NISCH: variants seen among roughly 807,000 people sequenced by gnomAD.
NISCH encodes I-1 receptor candidate protein.
In NISCH, 55 loss-of-function variants were observed where a neutral mutation model predicts 138.4. That is an observed-to-expected ratio of 0.40 (90% CI 0.32 to 0.50). NISCH has a LOEUF of 0.50. Ranked by LOEUF, NISCH falls within the 20% of genes least tolerant of loss-of-function variation. The pLI is 0.71. For missense variants in NISCH, 1,643 were observed against 2,005.5 expected, an observed-to-expected ratio of 0.82 and a Z score of 3.45; for synonymous variants, 860 against 861.5, an observed-to-expected ratio of 1.00 and a Z score of 0.03.
At chr3:52,466,154 A>G (rs191520917) in intron 3 of NISCH, among the ~76,000 whole-genome samples, 8 of 151,878 alleles carry the variant, frequency 5.3e-5, no homozygotes, top group Non-Finnish European at 1.0e-4. Context: ...CAGTCTTGCA[A>G]CTCTCTTCAG....
intron 3 of NISCH, among the ~76,000 whole-genome samples, chr3:52,467,742 A>G (rs1190095494): frequency 6.6e-6 from 1 of 152,264 alleles, no homozygotes; most frequent in Non-Finnish European, 1.5e-5. Context: ...CATGTGTTCC[A>G]GAAATTCCAG....
chr3:52,478,333 C>T (rs1471173629), intron 10 of NISCH, 51 bp downstream of exon 10: 7 of 1,607,360 alleles, frequency 4.4e-6, no homozygotes, highest in East Asian at 2.2e-5. Context: ...TGGTGTGTAT[C>T]ATGTTAAAGA....
chr3:52,484,462 T>TGCG, intron 13 of NISCH, 51 bp from the exon 14 acceptor site: 2 of 788,670 alleles, frequency 2.5e-6, no homozygotes, highest in Non-Finnish European at 3.7e-6. Context: ...ACAGCCGCTC[T>TGCG]CCCCGCCCCA....
At chr3:52,485,849 G>C in intron 15 of NISCH, 22 bp downstream of exon 15, 2 of 1,567,778 alleles carry the variant, frequency 1.3e-6, no homozygotes, top group Non-Finnish European at 1.7e-6. Flanking sequence ...GTTGGAAAGG[G>C]ACCTGGGCCT....
At chr3:52,491,717 C>T (rs1707569783) in intron 20 of NISCH, 155 bp from the exon 21 acceptor site, 1 of 1,112,462 alleles carries the variant, frequency 9.0e-7, no homozygotes, top group South Asian at 1.5e-5. Flanking sequence ...ATCTCCAGTG[C>T]CTGCTTTGGG....
In NISCH at chr3:52,487,784, G is replaced by A. The variant is rs917070582; in HGVS notation, c.2292G>A (p.Pro764=). Residue 764 remains proline, a synonymous_variant, in exon 16 of 21, where the codon CCG becomes CCA. Coordinates refer to ENST00000345716, the MANE Select transcript of NISCH (RefSeq NM_007184.4). This position sits in a 1 kb window ranked among gnomAD's most constrained non-coding sequence, Gnocchi z 9.1. ...CCCTGCGCTTTGTCTTTTGCTTCCC[G>A]CATGGCGACCTCACCGAGTTTGGCT... is the stretch of plus-strand genomic sequence containing the variant. ...LSSLRFVFCF[P]HGDLTEFGFL... 23 of 1,613,294 alleles carry A rather than the reference G, an allele frequency of 1.4e-5. No individual in the cohort carries two copies. The highest frequency in any genetic ancestry group is 2.7e-5 in the African/African-American group (2 of 74,710).
At chr3:52,471,673 C>T in intron 4 of NISCH, 141 bp from the exon 5 acceptor site, 2 of 916,492 alleles carry the variant, frequency 2.2e-6, no homozygotes, top group Non-Finnish European at 1.7e-6. Context: ...GGCAGCAGCT[C>T]CTGCATGCCC....
Position 52,492,661 on chromosome 3 carries a change from T to G in NISCH, c.*179T>G, listed in dbSNP as rs554648105. 3.8e-5 allele frequency: 35 copies of G among 914,560 alleles called. 2 individuals are homozygous for G. The East Asian group carries it at 8.8e-4, about 23-fold the overall frequency. The allele number at this position is 914,560 out of a possible 1,614,324, so 56.7% of individuals were successfully genotyped here. A position where few individuals can be genotyped will look rare whatever the true frequency, so the allele number is the denominator to read the frequency against. On this transcript the variant is annotated 3_prime_UTR_variant, in exon 21 of 21. Transcript: ENST00000345716. The stretch of plus-strand genomic sequence containing the variant: ...TTCTTTCTCATGTTGGGAGTGAGAA[T>G]GCCGGGCCCCTCAGGGCTGTCGGTG...
At chr3:52,484,268 A>G (rs1419814882) in intron 13 of NISCH, 2 of 457,130 alleles carry the variant, frequency 4.4e-6, no homozygotes, top group South Asian at 3.9e-5. Flanking sequence ...GTTTTTTTCC[A>G]TTGCATTTAT....
At chr3:52,484,462 T>TCGCCCCCC in intron 13 of NISCH, 51 bp from the exon 14 acceptor site, 2 of 788,670 alleles carry the variant, frequency 2.5e-6, no homozygotes, top group Non-Finnish European at 3.7e-6. Context: ...ACAGCCGCTC[T>TCGCCCCCC]CCCCGCCCCA....
intron 3 of NISCH, among the ~76,000 whole-genome samples, chr3:52,470,151 G>C (rs1202086423): frequency 6.6e-6 from 1 of 151,938 alleles, no homozygotes; most frequent in Non-Finnish European, 1.5e-5. Flanking sequence ...GAGGATTCAG[G>C]AGCCTTCAGT....
At chr3:52,480,048 C>T in intron 12 of NISCH, 136 bp from the exon 13 acceptor site, 1 of 1,064,064 alleles carries the variant, frequency 9.4e-7, no homozygotes. Flanking sequence ...GTGGTAGTTC[C>T]TGCTCTAAGG....
intron 16 of NISCH, 55 bp downstream of exon 16, chr3:52,488,660 T>C: frequency 2.1e-6 from 3 of 1,415,648 alleles, no homozygotes; most frequent in Non-Finnish European, 2.9e-6. Context: ...GGCATGTGTG[T>C]GATCTCAGCA....
At chr3:52,467,433 G>A (rs565787218) in intron 3 of NISCH, among the ~76,000 whole-genome samples, 2 of 152,286 alleles carry the variant, frequency 1.3e-5, no homozygotes, top group South Asian at 2.1e-4. Flanking sequence ...TCCTCCTGGC[G>A]TGGGGAGGCC....
Position 52,488,216 on chromosome 3 carries a change from C to T in NISCH, c.2724C>T (p.Tyr908=). The change falls in exon 16 of 21, where the codon TAC becomes TAT. Residue 908 remains tyrosine (Y), a synonymous_variant. Transcript: ENST00000345716. The stretch of plus-strand genomic sequence containing the variant: ...CCGTCAAGTCCGCCGCCATCCCCTA[C>T]TGGCTGTTGCTCACGCCCCAGCACC... ...SEAVKSAAIP[Y]WLLLTPQHLN... 1 of 1,612,676 alleles carries T rather than the reference C, an allele frequency of 6.2e-7. No homozygotes were observed. Among genetic ancestry groups the T allele is most frequent in the Non-Finnish European group, 8.5e-7 (1 of 1,179,978 alleles).
In NISCH at chr3:52,476,589, A is replaced by G. The variant is rs998746965; in HGVS notation, c.908A>G (p.Asp303Gly). 5.0e-6 allele frequency: 8 copies of G among 1,614,128 alleles called. No homozygotes were observed. Among genetic ancestry groups the G allele is most frequent in the South Asian group, 1.1e-5 (1 of 91,080 alleles). Residue 303 changes from aspartate (D) to glycine (G), a missense_variant, in exon 8 of 21, where the codon GAC (aspartate) becomes GGC (glycine). By Grantham distance (94) the Asp-to-Gly change is moderately conservative. Coordinates refer to ENST00000345716, the MANE Select transcript of NISCH (RefSeq NM_007184.4). ...DLSHNSVSEI[D>G]ESVKLIPKIE... ...AGCCACAACAGCGTCTCCGAGATCG[A>G]CGAGTCTGTGGTATGCTCTCAGCAG... is the stretch of plus-strand genomic sequence containing the variant.
chr3:52,474,518 G>A (rs11921913), intron 7 of NISCH, among the ~76,000 whole-genome samples: 146,125 of 151,806 alleles, frequency 0.96, 70,380 homozygotes, highest in African/African-American at 0.99. Flanking sequence ...GGATGGTCTC[G>A]ATCTCCTGAC....
intron 13 of NISCH, chr3:52,480,762 AC>A (rs1707248623): frequency 8.3e-6 from 12 of 1,437,244 alleles, no homozygotes; most frequent in Non-Finnish European, 1.1e-5. Context: ...GCCCCAGAAC[AC>A]CATGTTTGTG....
chr3:52,481,075 T>G, intron 13 of NISCH: 4 of 1,307,892 alleles, frequency 3.1e-6, no homozygotes, highest in Non-Finnish European at 3.9e-6. Flanking sequence ...CCCGATGTTT[T>G]AAGAGCCAGA....
Sources: allele counts gnomAD v4.1 joint callset (sites outside exome capture counted in the v4.1 genomes callset), GRCh38; gene constraint gnomAD v4.1.1; non-coding constraint Gnocchi (gnomAD v3.1); transcripts MANE v1.5; gene names NCBI Gene and HGNC (gene_info 2026-07-23, HGNC 2026-07-21).